Variants in IL1RAPL1 observed in about 807,000 individuals in gnomAD.
IL1RAPL1 encodes the protein interleukin-1 receptor accessory protein-like 1.
Under a neutral mutation model 48.4 loss-of-function variants are expected in IL1RAPL1, and 3 were observed. That is an observed-to-expected ratio of 0.06 (90% CI 0.03 to 0.16). The LOEUF (loss-of-function observed/expected upper bound fraction) is 0.16. IL1RAPL1 is among the 10% of genes least tolerant of loss of function. The pLI is 1.00. For missense variants in IL1RAPL1, 349 were observed against 530.6 expected, an observed-to-expected ratio of 0.66 and a Z score of 3.36; for synonymous variants, 185 against 187.7, an observed-to-expected ratio of 0.99 and a Z score of 0.12.
chrX:28,788,297 A>G (rs12840269), intron 1 of IL1RAPL1, among the ~76,000 whole-genome samples: 47,919 of 107,044 alleles, frequency 0.45, 7,719 homozygotes, highest in Middle Eastern at 0.62. Context: ...AATAAAGCTG[A>G]GACACAGAAG....
chrX:28,608,506 G>A (rs955902471), intron 1 of IL1RAPL1, among the ~76,000 whole-genome samples: 5 of 111,715 alleles, frequency 4.5e-5, no homozygotes, highest in African/African-American at 1.6e-4. Context: ...TTTCTATACT[G>A]AAGAAAATGC....
chrX:29,844,009 G>A (rs775598620), intron 6 of IL1RAPL1, among the ~76,000 whole-genome samples: 2 of 111,505 alleles, frequency 1.8e-5, no homozygotes, highest in Admixed American at 9.6e-5. Context: ...AGATTAGGAC[G>A]TGGACATGTT....
intron 2 of IL1RAPL1, among the ~76,000 whole-genome samples, chrX:28,903,424 CTTTTTT>C (rs199661606): frequency 1.0e-5 from 1 of 100,135 alleles, no homozygotes; most frequent in Non-Finnish European, 2.0e-5. Context: ...TTCTTTCTTT[CTTTTTT>C]TTTTTTTTTT....
intron 2 of IL1RAPL1, among the ~76,000 whole-genome samples, chrX:29,240,216 A>ATTT (rs1931389019): frequency 7.4e-5 from 2 of 27,050 alleles, no homozygotes; most frequent in East Asian, 1.6e-3. Flanking sequence ...ATATATATAT[A>ATTT]TATATATATT....
intron 6 of IL1RAPL1, among the ~76,000 whole-genome samples, chrX:29,682,343 A>G (rs1926478336): frequency 9.0e-6 from 1 of 110,936 alleles, no homozygotes; most frequent in South Asian, 3.8e-4. Flanking sequence ...ACCCTTGACC[A>G]TACCATGGAC....
At chrX:28,946,061 T>G (rs1327231858) in intron 2 of IL1RAPL1, among the ~76,000 whole-genome samples, 7 of 109,736 alleles carry the variant, frequency 6.4e-5, no homozygotes, top group African/African-American at 2.0e-4. Flanking sequence ...GATACAAATA[T>G]ATAGTGAGCC....
chrX:29,034,315 T>A (rs889303659), intron 2 of IL1RAPL1, among the ~76,000 whole-genome samples: 3 of 112,420 alleles, frequency 2.7e-5, no homozygotes, highest in Non-Finnish European at 5.6e-5. Context: ...TCAGTTCATA[T>A]TTGATATTTT....
At chrX:29,238,728 T>C (rs1931354466) in intron 2 of IL1RAPL1, among the ~76,000 whole-genome samples, 1 of 112,198 alleles carries the variant, frequency 8.9e-6, no homozygotes, top group African/African-American at 3.2e-5. Flanking sequence ...ATTTTAGTTA[T>C]ATATTCAGTG....
chrX:29,002,609 T>C (rs1195561800), intron 2 of IL1RAPL1, among the ~76,000 whole-genome samples: 1 of 111,356 alleles, frequency 9.0e-6, no homozygotes, highest in Non-Finnish European at 1.9e-5. Context: ...TGTATTTTTG[T>C]TTTTACTTAA....
rs139173693 is a variant in IL1RAPL1 at position 29,189,023 on chromosome X, T to A, written c.83-93915T>A. Among the ~76,000 whole-genome samples the A allele has an allele frequency of 7.4e-3, 832 of 112,366 alleles. 11 individuals carry two copies. The highest frequency in any genetic ancestry group is 0.025 in the African/African-American group (785 of 30,950). ...CCATAAGAAGGGAACAATTGAGAATTGTGTTGTTTTTGTTTTTTGTTTTTC... is the reference window on the plus strand; with the variant it reads ...CCATAAGAAGGGAACAATTGAGAATAGTGTTGTTTTTGTTTTTTGTTTTTC... On this transcript the variant is annotated intron_variant, in intron 2 of 10. Transcript: ENST00000378993.
At chrX:28,824,281 C>T (rs944459117) in intron 2 of IL1RAPL1, among the ~76,000 whole-genome samples, 1 of 110,955 alleles carries the variant, frequency 9.0e-6, no homozygotes, top group African/African-American at 3.3e-5. Context: ...CAAAGTTTTT[C>T]CCTTTACTTT....
intron 5 of IL1RAPL1, among the ~76,000 whole-genome samples, chrX:29,555,352 C>G (rs1921959552): frequency 8.9e-6 from 1 of 112,448 alleles, no homozygotes; most frequent in African/African-American, 3.2e-5. Flanking sequence ...TACTTACAGA[C>G]AGTGAGTTTG....
In IL1RAPL1 at chrX:28,618,835, C is replaced by G. The variant is rs772895698; in HGVS notation, c.-25+30788C>G. 1.3e-4 allele frequency among the ~76,000 whole-genome samples: 15 copies of G among 111,769 alleles called. No homozygotes were observed. In the South Asian group the frequency reaches 4.8e-3, roughly 36 times the overall value. On this transcript the variant is annotated intron_variant, in intron 1 of 10. Transcript: ENST00000378993. The stretch of plus-strand genomic sequence containing the variant: ...CTACAGCAGGAGGTGGAGGAGCTCC[C>G]ATGTTTCTGAAGATAGTTTGAGATA...
At chrX:29,889,678 A>G (rs748430383) in intron 6 of IL1RAPL1, among the ~76,000 whole-genome samples, 77 of 111,512 alleles carry the variant, frequency 6.9e-4, no homozygotes, top group African/African-American at 2.4e-3. Flanking sequence ...ATTCATGTAC[A>G]TATGCATATG....
At chrX:28,885,880 C>T (rs1922615116) in intron 2 of IL1RAPL1, among the ~76,000 whole-genome samples, 1 of 111,258 alleles carries the variant, frequency 9.0e-6, no homozygotes, top group Non-Finnish European at 1.9e-5. Flanking sequence ...AGATACAAAC[C>T]AGTAAGAAAG....
intron 2 of IL1RAPL1, among the ~76,000 whole-genome samples, chrX:29,204,635 T>C (rs1472567185): frequency 1.8e-5 from 2 of 112,401 alleles, no homozygotes; most frequent in African/African-American, 6.5e-5. Flanking sequence ...TCAACTATAA[T>C]GATTAATAAT....
intron 3 of IL1RAPL1, among the ~76,000 whole-genome samples, chrX:29,362,409 G>A (rs186078194): frequency 8.9e-6 from 1 of 112,258 alleles, no homozygotes; most frequent in African/African-American, 3.2e-5. Flanking sequence ...CTCTAAGTGA[G>A]TTCCTGGGTA....
rs1280262782 is a variant in IL1RAPL1, at chrX:29,917,591, C to T, written c.906C>T (p.Asp302=). 8.3e-7 allele frequency: 1 copy of T among 1,203,991 alleles called. No homozygotes were observed. The highest frequency in any genetic ancestry group is 1.1e-6 in the Non-Finnish European group (1 of 889,338). ...DLDENRVWES[D]IRILKEHLGE... ...ATGAAAATCGAGTTTGGGAAAGTGA[C>T]ATTAGGTAATTTTTTTTCCTTTTAA... The change falls in exon 7 of 11, where the codon GAC becomes GAT. Residue 302 remains aspartate, a synonymous_variant. Transcript: ENST00000378993.
intron 2 of IL1RAPL1, among the ~76,000 whole-genome samples, chrX:29,034,051 C>T (rs1392376392): frequency 8.9e-6 from 1 of 111,794 alleles, no homozygotes; most frequent in Admixed American, 9.5e-5. Flanking sequence ...CCACATCAGT[C>T]ATTTATATTA....
Sources: allele counts gnomAD v4.1 joint callset (sites outside exome capture counted in the v4.1 genomes callset), GRCh38; gene constraint gnomAD v4.1.1; transcripts MANE v1.5; gene names NCBI Gene and HGNC (gene_info 2026-07-23, HGNC 2026-07-21).